The following FUT8 variants were observed in gnomAD, a reference collection of about 807,000 sequenced individuals.
FUT8 encodes fucosyltransferase 8.
FUT8 carries 29 observed loss-of-function variants against 71.3 expected under a neutral mutation model. The observed-to-expected ratio is 0.41, with a 90% confidence interval of 0.30 to 0.55. The LOEUF is 0.55. Among genes scored for constraint, FUT8 ranks in the 20% least tolerant of loss-of-function variants. FUT8 has a pLI of 0.34. For missense variants in FUT8, 544 were observed against 702.1 expected, an observed-to-expected ratio of 0.77 and a Z score of 2.55; for synonymous variants, 254 against 239.3, an observed-to-expected ratio of 1.06 and a Z score of -0.57.
At chr14:65,527,335 C>T (rs900336252) in intron 2 of FUT8, among the ~76,000 whole-genome samples, 1 of 152,170 alleles carries the variant, frequency 6.6e-6, no homozygotes. Flanking sequence ...CACTGATACC[C>T]TTTCTTCCAG....
intron 2 of FUT8, among the ~76,000 whole-genome samples, chr14:65,544,989 C>T (rs1235985140): frequency 3.3e-5 from 5 of 151,666 alleles, no homozygotes; most frequent in Admixed American, 1.3e-4. Context: ...CTTCCTTCCC[C>T]TCCTCTCCTC....
At chr14:65,405,541 T>G in the FUT8 span, among the ~76,000 whole-genome samples, 2 of 152,220 alleles carry the variant, frequency 1.3e-5, no homozygotes, top group Admixed American at 6.5e-5. Flanking sequence ...TTTTTTTACT[T>G]TATGATAATA....
chr14:65,444,059 A>G (rs1211676817), intron 1 of FUT8, among the ~76,000 whole-genome samples: 6 of 152,214 alleles, frequency 3.9e-5, no homozygotes, highest in African/African-American at 1.2e-4. Context: ...TGAAACTCTT[A>G]ATGTTGCACA....
At chr14:65,559,576 A>G (rs1885791947) in intron 2 of FUT8, among the ~76,000 whole-genome samples, 1 of 149,832 alleles carries the variant, frequency 6.7e-6, no homozygotes, top group Non-Finnish European at 1.5e-5. Flanking sequence ...GTTTCAGCAT[A>G]TAAGTATAGT....
At chr14:65,521,821 G>A (rs1010876700) in intron 2 of FUT8, among the ~76,000 whole-genome samples, 16 of 151,652 alleles carry the variant, frequency 1.1e-4, no homozygotes, top group African/African-American at 3.9e-4. Flanking sequence ...ACACATGGCA[G>A]GCAATTTGTT....
intron 1 of FUT8, among the ~76,000 whole-genome samples, chr14:65,437,173 C>A (rs1317551707): frequency 6.6e-6 from 1 of 152,196 alleles, no homozygotes; most frequent in African/African-American, 2.4e-5. Context: ...CAGACCTCTT[C>A]AAGTTGCAAC....
chr14:65,443,747 G>A (rs2065697596), intron 1 of FUT8, among the ~76,000 whole-genome samples: 2 of 150,902 alleles, frequency 1.3e-5, no homozygotes, highest in Non-Finnish European at 1.5e-5. Flanking sequence ...ACCCCAAAAA[G>A]TAGTTGATTT....
At chr14:65,422,576 G>A (rs894229755) in intron 1 of FUT8, among the ~76,000 whole-genome samples, 2 of 151,894 alleles carry the variant, frequency 1.3e-5, no homozygotes, top group South Asian at 2.1e-4. Flanking sequence ...ATAGCTCACC[G>A]CAGTCTCAAA....
rs147352990 is a variant in FUT8, at chr14:65,526,606, T to A, written c.-227-34731T>A. ...ATGTGTGAATTTGATCCTGTCATTA[T>A]GATGTTAGCTGGTTATTTTGCTTGT... On this transcript the variant is annotated intron_variant, in intron 2 of 10. Transcript: ENST00000673929. Among the ~76,000 whole-genome samples the A allele has an allele frequency of 5.7e-3, 870 of 152,334 alleles. 31 individuals are homozygous for A. The East Asian group carries it at 0.092, about 16-fold the overall frequency.
In FUT8 at chr14:65,626,096, A is replaced by G. The variant is rs1889882084; in HGVS notation, c.483-3396A>G. Among the ~76,000 whole-genome samples the G allele has an allele frequency of 2.0e-5, 3 of 152,118 alleles. No individual in the cohort carries two copies. In the South Asian group the frequency reaches 6.2e-4, roughly 32 times the overall value. ...TATTGGATCATTTTTATAATTGATT[A>G]TCAATACCACGTGTTACTGTTACCC... On this transcript the variant is annotated intron_variant, in intron 5 of 10. Coordinates refer to ENST00000673929, the MANE Select transcript of FUT8 (RefSeq NM_001371533.1).
At chr14:65,441,966 G>C (rs1386374201) in intron 1 of FUT8, among the ~76,000 whole-genome samples, 1 of 151,774 alleles carries the variant, frequency 6.6e-6, no homozygotes, top group African/African-American at 2.4e-5. Flanking sequence ...CCCCACGACA[G>C]GCCCCGGTGT....
intron 1 of FUT8, among the ~76,000 whole-genome samples, chr14:65,441,920 G>T (rs914566358): frequency 6.6e-6 from 1 of 151,620 alleles, no homozygotes; most frequent in African/African-American, 2.4e-5. Context: ...TTTACATTAG[G>T]TATATCTCCT....
At chr14:65,440,021 C>A (rs1434824928) in intron 1 of FUT8, among the ~76,000 whole-genome samples, 2 of 133,070 alleles carry the variant, frequency 1.5e-5, no homozygotes, top group African/African-American at 5.5e-5. Context: ...TACTGTTCAG[C>A]TTTTCAGGAG....
chr14:65,733,788 A>G (rs575503360), intron 10 of FUT8, among the ~76,000 whole-genome samples: 1 of 152,336 alleles, frequency 6.6e-6, no homozygotes, highest in Admixed American at 6.5e-5. Flanking sequence ...TAAATGCCCT[A>G]AATTTTGCCT....
At chr14:65,420,602 C>T (rs1431982492) in intron 1 of FUT8, among the ~76,000 whole-genome samples, 1 of 151,686 alleles carries the variant, frequency 6.6e-6, no homozygotes, top group Non-Finnish European at 1.5e-5. Context: ...AATAAGATAC[C>T]CAACCTTTGG....
the FUT8 span, among the ~76,000 whole-genome samples, chr14:65,375,300 T>A: frequency 0.045 from 6,897 of 152,256 alleles, 290 homozygotes; most frequent in South Asian, 0.17. Flanking sequence ...ATCACCATAG[T>A]TAAGACATGG....
the FUT8 span, among the ~76,000 whole-genome samples, chr14:65,390,321 CAAAAA>C: frequency 1.4e-5 from 1 of 73,448 alleles, no homozygotes. Flanking sequence ...GACTTCGTCT[CAAAAA>C]AAAAAAAAAA....
At chr14:65,616,764 T>A (rs931822493) in intron 5 of FUT8, among the ~76,000 whole-genome samples, 9 of 152,326 alleles carry the variant, frequency 5.9e-5, no homozygotes, top group African/African-American at 2.2e-4. Context: ...ACATTTCTAA[T>A]TCAAACATTA....
chr14:65,496,203 A>C (rs2066556433), intron 2 of FUT8, among the ~76,000 whole-genome samples: 1 of 152,138 alleles, frequency 6.6e-6, no homozygotes, highest in Non-Finnish European at 1.5e-5. Context: ...ACCCTGAGTG[A>C]TTTTGGAATA....
Sources: gnomAD v4.1 joint callset for allele counts (sites outside exome capture counted in the v4.1 genomes callset) on GRCh38, gnomAD v4.1.1 for gene constraint, MANE v1.5 for transcripts, NCBI Gene and HGNC (gene_info 2026-07-23, HGNC 2026-07-21) for gene names.